PARP15: variants seen among roughly 807,000 people sequenced by gnomAD.
PARP15 encodes the protein poly(ADP-ribose) polymerase family member 15.
Under a neutral mutation model 62.1 loss-of-function variants are expected in PARP15, and 50 were observed. The observed-to-expected ratio is 0.81, with a 90% CI of 0.64 to 1.02. The LOEUF (loss-of-function observed/expected upper bound fraction) is 1.02, where lower values mean the gene tolerates loss of function less well. Ranked by LOEUF, PARP15 falls within the 50% of genes least tolerant of loss-of-function variation. The probability of loss-of-function intolerance (pLI) is 0.00; values close to 1 mark genes in which losing one functional copy is unlikely to be tolerated. For missense variants in PARP15, 820 were observed against 826.5 expected (o/e 0.99, Z 0.10); for synonymous variants, 309 against 293.1 (o/e 1.05, Z -0.55).
intron 4 of PARP15, 110 bp downstream of exon 4, chr3:122,613,378 G>A: frequency 1.1e-6 from 1 of 952,166 alleles, no homozygotes; most frequent in Non-Finnish European, 1.6e-6. Context: ...GCCTATAAGT[G>A]ATGGTTGCTA....
intron 9 of PARP15, among the ~76,000 whole-genome samples, chr3:122,630,843 A>G (rs1355054965): frequency 6.6e-6 from 1 of 152,186 alleles, no homozygotes; most frequent in Non-Finnish European, 1.5e-5. Context: ...CAACAATCCC[A>G]TGAGGTGGTA....
chr3:122,625,336 C>G (rs371324955), intron 8 of PARP15, among the ~76,000 whole-genome samples: 14 of 152,286 alleles, frequency 9.2e-5, no homozygotes, highest in Admixed American at 7.8e-4. Context: ...TCACTGCAAC[C>G]TCCACCTCCC....
chr3:122,619,848 G>T lies in PARP15; in HGVS notation c.1063+5G>T. 6.2e-7 allele frequency: 1 copy of T among 1,610,352 alleles called. No individual in the cohort carries two copies. Among genetic ancestry groups the T allele is most frequent in the Non-Finnish European group, 8.5e-7 (1 of 1,176,546 alleles). On this transcript the variant is annotated splice_donor_5th_base_variant and intron_variant, in intron 7 of 11. Coordinates refer to ENST00000464300, the MANE Select transcript of PARP15 (RefSeq NM_001113523.3). ...AAAGTGAATGTGCTGTACTAGGTAT[G>T]GGCACATGTTACTTTTGACTACAAA...
At chr3:122,598,926 T>G (rs1422408980) in intron 1 of PARP15, among the ~76,000 whole-genome samples, 1 of 152,158 alleles carries the variant, frequency 6.6e-6, no homozygotes, top group African/African-American at 2.4e-5. Flanking sequence ...AGTTTTGCTC[T>G]TGTCACCCTG....
At chr3:122,615,180 C>G in intron 4 of PARP15, 1 of 1,231,858 alleles carries the variant, frequency 8.1e-7, no homozygotes, top group Non-Finnish European at 1.0e-6. Flanking sequence ...GCCCATTGCT[C>G]AATTTTATCA....
chr3:122,585,303 C>T (rs974869654), intron 1 of PARP15, among the ~76,000 whole-genome samples: 1 of 152,176 alleles, frequency 6.6e-6, no homozygotes, highest in Non-Finnish European at 1.5e-5. Context: ...GTAGTGTTTG[C>T]ACTTCTGCAC....
At chr3:122,625,972 A>G (rs996984368) in intron 8 of PARP15, among the ~76,000 whole-genome samples, 3 of 152,154 alleles carry the variant, frequency 2.0e-5, no homozygotes, top group Non-Finnish European at 4.4e-5. Flanking sequence ...AGGAACACAC[A>G]CTACGGGGAC....
intron 1 of PARP15, 146 bp downstream of exon 1, chr3:122,577,999 G>T (rs772811382): frequency 1.3e-6 from 1 of 767,150 alleles, no homozygotes. Context: ...TGACTTCCCT[G>T]TTCCGGAAGA....
rs149680974 is a variant in PARP15 at position 122,635,867 on chromosome 3, G to A, written c.1804G>A (p.Asp602Asn). Residue 602 changes from aspartate to asparagine, a missense_variant, in exon 12 of 12, where the codon GAC becomes AAC. Physicochemically the swap from Asp to Asn is conservative, Grantham distance 23. This residue lies in a region of PARP15 where 5 missense variants were observed against 19.1 expected (regional missense o/e 0.26). Transcript: ENST00000464300. ...TGTGGATGCCAGTTATTCTGCCAAG[G>A]ACACCTACTCCAAGCCAGACAGCAA... ...FAVDASYSAKDTYSKPDSNGR... is the reference protein window; with the variant it reads ...FAVDASYSAKNTYSKPDSNGR... The A allele has an allele frequency of 9.6e-4, 1,557 of 1,613,968 alleles. 10 individuals carry two copies. In the African/African-American group the frequency reaches 0.012, roughly 13 times the overall value.
intron 1 of PARP15, among the ~76,000 whole-genome samples, chr3:122,605,041 A>AAAAG (rs377321079): frequency 0.013 from 2,004 of 152,066 alleles, 18 homozygotes; most frequent in Middle Eastern, 0.048. Flanking sequence ...ATCTCAGAAA[A>AAAAG]AAAGAAAGAA....
At chr3:122,634,094 G>C (rs1937213764) in intron 10 of PARP15, among the ~76,000 whole-genome samples, 1 of 152,110 alleles carries the variant, frequency 6.6e-6, no homozygotes, top group African/African-American at 2.4e-5. Flanking sequence ...TTATGGCTTG[G>C]ATTCTCCTCA....
chr3:122,621,596 C>A lies in PARP15; in HGVS notation c.1216C>A (p.Pro406Thr). 1 of 1,595,280 alleles carries A rather than the reference C, an allele frequency of 6.3e-7. No individual in the cohort carries two copies. Among genetic ancestry groups the A allele is most frequent in the Non-Finnish European group, 8.5e-7 (1 of 1,173,808 alleles). The change falls in exon 8 of 12, where the codon CCA becomes ACA. Residue 406 changes from proline (P) to threonine (T), a missense_variant. Around this residue, in one of 3 missense-constraint regions of PARP15, gnomAD observed 731 missense variants for 727.7 expected, o/e 1.00. Coordinates refer to ENST00000464300, the MANE Select transcript of PARP15 (RefSeq NM_001113523.3). ...GAGGAAGTACACATCGGTTTCCCTTCCAGCCATTGGAACAGGTTTGCAGCT... is the reference window on the plus strand; with the variant it reads ...GAGGAAGTACACATCGGTTTCCCTTACAGCCATTGGAACAGGTTTGCAGCT... ...EQRKYTSVSL[P>T]AIGTGNAGKN...
intron 1 of PARP15, among the ~76,000 whole-genome samples, chr3:122,583,003 T>C (rs1451861004): frequency 6.6e-6 from 1 of 152,082 alleles, no homozygotes; most frequent in East Asian, 1.9e-4. Flanking sequence ...TTCTCCTTTA[T>C]AGTAAGTGTC....
chr3:122,635,674 A>C, intron 11 of PARP15, 137 bp from the exon 12 acceptor site: 1 of 967,742 alleles, frequency 1.0e-6, no homozygotes, highest in Non-Finnish European at 1.5e-6. Flanking sequence ...CAGCCTCCCA[A>C]AGTGTTGGGA....
At chr3:122,607,040 G>A (rs1017005705) in intron 2 of PARP15, among the ~76,000 whole-genome samples, 1 of 152,184 alleles carries the variant, frequency 6.6e-6, no homozygotes, top group Non-Finnish European at 1.5e-5. Flanking sequence ...CGTGGGTTCA[G>A]GACCTTGTCC....
intron 1 of PARP15, among the ~76,000 whole-genome samples, chr3:122,587,103 TGTG>T (rs386665263): frequency 0.062 from 9,359 of 151,594 alleles, 922 homozygotes; most frequent in African/African-American, 0.21. Flanking sequence ...CCTCTGTGTT[TGTG>T]TGTGTGTGTG....
chr3:122,613,306 T>G, intron 4 of PARP15, 38 bp downstream of exon 4: 1 of 1,456,140 alleles, frequency 6.9e-7, no homozygotes, highest in Non-Finnish European at 9.4e-7. Flanking sequence ...TTCTGGCAAG[T>G]GAACCCAAGC....
At chr3:122,604,961 G>C (rs1030172532) in intron 1 of PARP15, among the ~76,000 whole-genome samples, 1 of 152,142 alleles carries the variant, frequency 6.6e-6, no homozygotes, top group Non-Finnish European at 1.5e-5. Context: ...ACTTGAATCC[G>C]GGAGGCAGAG....
At chr3:122,628,323 A>G (rs111536755) in intron 9 of PARP15, among the ~76,000 whole-genome samples, 5,182 of 152,222 alleles carry the variant, frequency 0.034, 313 homozygotes, top group African/African-American at 0.12. Flanking sequence ...CATGCTCCAC[A>G]CTTCAGCTAG....
Sources: allele counts gnomAD v4.1 joint callset (sites outside exome capture counted in the v4.1 genomes callset), GRCh38; gene constraint gnomAD v4.1.1; regional missense constraint gnomAD v4.1.1; transcripts MANE v1.5; gene names NCBI Gene and HGNC (gene_info 2026-07-23, HGNC 2026-07-21).